Variants in TXNDC12 observed in about 807,000 individuals in gnomAD.
The protein encoded by TXNDC12 is thioredoxin domain containing 12.
A neutral mutation model predicts 24.2 loss-of-function variants in TXNDC12; 22 were observed. The observed-to-expected ratio is 0.91, with a 90% CI of 0.65 to 1.30. TXNDC12 has a LOEUF of 1.30. TXNDC12 is among the 50% of genes most tolerant of loss of function. The pLI, the probability that TXNDC12 is intolerant of heterozygous loss-of-function variation, is 0.00. For missense variants in TXNDC12, 184 were observed against 205.8 expected (o/e 0.89, Z 0.65); for synonymous variants, 58 against 73.4 (o/e 0.79, Z 1.07).
intron 1 of TXNDC12, among the ~76,000 whole-genome samples, chr1:52,049,152 A>G (rs1686153216): frequency 6.6e-6 from 1 of 152,184 alleles, no homozygotes. Context: ...CTCTTATTTT[A>G]CTGAGGCCTA....
In TXNDC12 at chr1:52,054,751, T is replaced by A. The variant is rs1008854513; in HGVS notation, c.97+249A>T. 3.9e-5 allele frequency among the ~76,000 whole-genome samples: 6 copies of A among 152,266 alleles called. No homozygotes were observed. The South Asian group carries it at 1.0e-3, about 26-fold the overall frequency. On this transcript the variant is annotated intron_variant, in intron 1 of 6. Transcript: ENST00000371626. ...GGGCTCTTAACATGCTTTCCTTAAT[T>A]TACGGGCCATTCCTTCCCCCCAATC...
rs374491748 is a variant in TXNDC12, at chr1:52,033,082, C to T, written c.159-4452G>A. The T allele has an allele frequency of 7.7e-5, 123 of 1,607,812 alleles. 1 individual carries two copies. The highest frequency in any genetic ancestry group is 6.6e-4 in the Middle Eastern group (4 of 6,032). ...TAGGCCCACCAAAGTGAATAAAGGC[C>T]GGTCCCAGCGATTCCGAGAATCGGG... On this transcript the variant is annotated intron_variant, in intron 2 of 6. Coordinates refer to ENST00000371626, the MANE Select transcript of TXNDC12 (RefSeq NM_015913.4).
intron 2 of TXNDC12, chr1:52,033,402 C>A (rs147206420): frequency 6.9e-7 from 1 of 1,451,350 alleles, no homozygotes; most frequent in South Asian, 1.3e-5. Flanking sequence ...CGTTCGCGCC[C>A]GCCACCTGAG....
chr1:52,031,614 T>C (rs1428054434), intron 2 of TXNDC12, among the ~76,000 whole-genome samples: 1 of 152,176 alleles, frequency 6.6e-6, no homozygotes, highest in Non-Finnish European at 1.5e-5. Context: ...TGCCTCAGCC[T>C]CCAGAGTAGC....
chr1:52,041,647 G>C (rs762860916), intron 1 of TXNDC12, 50 bp from the exon 2 acceptor site: 30 of 1,259,416 alleles, frequency 2.4e-5, no homozygotes, highest in Non-Finnish European at 3.2e-5. Context: ...AAAGGGCACA[G>C]TCCCAAGAAG....
rs367916077 is a variant in TXNDC12 at position 52,031,263 on chromosome 1, G to A, written c.159-2633C>T. 5.1e-3 allele frequency among the ~76,000 whole-genome samples: 774 copies of A among 150,792 alleles called. 12 individuals are homozygous for A. Among genetic ancestry groups the A allele is most frequent in the African/African-American group, 0.018 (748 of 41,056 alleles). On this transcript the variant is annotated intron_variant, in intron 2 of 6. Coordinates refer to ENST00000371626, the MANE Select transcript of TXNDC12 (RefSeq NM_015913.4). ...CAACCTCCGCCTCCCGGGTTCAAGC[G>A]ATTCTCCTGCCTCAGCCTCCTGAGT...
intron 1 of TXNDC12, among the ~76,000 whole-genome samples, chr1:52,050,406 A>T (rs1686179333): frequency 6.6e-6 from 1 of 152,202 alleles, no homozygotes; most frequent in African/African-American, 2.4e-5. Context: ...AGTCTCCCAC[A>T]TCAGCAACTC....
intron 2 of TXNDC12, chr1:52,032,723 GAAGA>G (rs752135997): frequency 5.2e-4 from 841 of 1,611,916 alleles, no homozygotes; most frequent in Non-Finnish European, 6.9e-4. Context: ...CTCAAATACT[GAAGA>G]AACATGTTGG....
chr1:52,033,480 C>T, intron 2 of TXNDC12: 3 of 1,613,628 alleles, frequency 1.9e-6, no homozygotes, highest in Non-Finnish European at 2.5e-6. Context: ...CCGCCCGTGC[C>T]AGGCAGTAGA....
chr1:52,030,829 A>C (rs1405187756), intron 2 of TXNDC12, among the ~76,000 whole-genome samples: 1 of 152,222 alleles, frequency 6.6e-6, no homozygotes, highest in Non-Finnish European at 1.5e-5. Context: ...ACATTTTTCA[A>C]TGTTTGCAAA....
chr1:52,043,694 T>A (rs1164246477), intron 1 of TXNDC12, among the ~76,000 whole-genome samples: 1 of 152,248 alleles, frequency 6.6e-6, no homozygotes, highest in South Asian at 2.1e-4. Flanking sequence ...TTTGTTATTC[T>A]ATACGATTGA....
chr1:52,054,950 G>C, intron 1 of TXNDC12, 50 bp downstream of exon 1: 5 of 1,339,746 alleles, frequency 3.7e-6, no homozygotes, highest in Non-Finnish European at 5.4e-6. Flanking sequence ...GATTATACTG[G>C]GATCAGTATA....
chr1:52,038,150 T>C (rs1685918719), intron 2 of TXNDC12, among the ~76,000 whole-genome samples: 1 of 152,032 alleles, frequency 6.6e-6, no homozygotes, highest in Admixed American at 6.6e-5. Context: ...TGGTCTTCCT[T>C]ACTATTAATG....
chr1:52,029,170 T>C (rs887612486), intron 2 of TXNDC12, among the ~76,000 whole-genome samples: 1 of 152,194 alleles, frequency 6.6e-6, no homozygotes, highest in African/African-American at 2.4e-5. Context: ...ATTATTGTTA[T>C]ATAATCATTG....
intron 2 of TXNDC12, chr1:52,033,752 C>G (rs990225552): frequency 4.4e-6 from 7 of 1,597,492 alleles, no homozygotes; most frequent in Non-Finnish European, 6.0e-6. Context: ...CAAAACACCA[C>G]GAGCGGCATC....
intron 2 of TXNDC12, among the ~76,000 whole-genome samples, chr1:52,039,345 T>C (rs1375727946): frequency 6.6e-6 from 1 of 152,120 alleles, no homozygotes; most frequent in African/African-American, 2.4e-5. Flanking sequence ...TTTTTTTTTT[T>C]TGAGACCAAG....
At chr1:52,036,384 C>A (rs1685883496) in intron 2 of TXNDC12, among the ~76,000 whole-genome samples, 1 of 151,886 alleles carries the variant, frequency 6.6e-6, no homozygotes, top group African/African-American at 2.4e-5. Context: ...ATTTAGTATT[C>A]ATTAAGTGGA....
intron 2 of TXNDC12, among the ~76,000 whole-genome samples, chr1:52,035,433 G>A (rs1426251958): frequency 1.3e-5 from 2 of 152,174 alleles, no homozygotes; most frequent in African/African-American, 4.8e-5. Flanking sequence ...ACACAGGCCC[G>A]GCATGGTGGC....
At chr1:52,042,014 C>T (rs1686002835) in intron 1 of TXNDC12, among the ~76,000 whole-genome samples, 1 of 152,196 alleles carries the variant, frequency 6.6e-6, no homozygotes, top group African/African-American at 2.4e-5. Flanking sequence ...GACTCCACTT[C>T]CTATTACGTG....
Sources: gnomAD v4.1 joint callset for allele counts (sites outside exome capture counted in the v4.1 genomes callset) on GRCh38, gnomAD v4.1.1 for gene constraint, MANE v1.5 for transcripts, NCBI Gene and HGNC (gene_info 2026-07-23, HGNC 2026-07-21) for gene names.